Variants in EIF4E3 observed in about 807,000 individuals in gnomAD.
The protein encoded by EIF4E3 is eukaryotic translation initiation factor 4E type 3.
A neutral mutation model predicts 31.7 loss-of-function variants in EIF4E3; 26 were observed. The observed-to-expected ratio is 0.82, with a 90% CI of 0.60 to 1.14. The LOEUF is 1.14. EIF4E3 is among the 50% of genes most tolerant of loss of function. EIF4E3 has a pLI of 0.00. For missense variants in EIF4E3, 304 were observed against 270.9 expected (o/e 1.12, Z -0.86); for synonymous variants, 128 against 107.7 (o/e 1.19, Z -1.17).
chr3:71,703,427 C>T (rs534084764), intron 2 of EIF4E3, among the ~76,000 whole-genome samples: 7 of 152,320 alleles, frequency 4.6e-5, no homozygotes, highest in African/African-American at 1.4e-4. Flanking sequence ...GTGAAACCCA[C>T]GTTGCCTCCT....
At chr3:71,673,611 C>T (rs118175706), downstream of EIF4E3, among the ~76,000 whole-genome samples, 58 of 151,740 alleles carry the variant, frequency 3.8e-4, 2 homozygotes, top group East Asian at 0.011. Flanking sequence ...ACATGCATTG[C>T]ATTCATACTT....
downstream of EIF4E3, among the ~76,000 whole-genome samples, chr3:71,670,794 G>C (rs1039553611): frequency 6.6e-6 from 1 of 152,112 alleles, no homozygotes; most frequent in Admixed American, 6.5e-5. Context: ...AAGAGCCTTC[G>C]CGTGCATTGT....
rs963038197 is a variant in EIF4E3, at chr3:71,676,831, AGGGGACAC to A, written c.*7843_*7850del. ...AACACTAATTATTTTCGCCTTAAAA[AGGGGACAC>A]GGCTTTAGTGTTTAACCTTCACTTC... is the stretch of plus-strand genomic sequence containing the variant. On this transcript the variant is annotated 3_prime_UTR_variant, in exon 7 of 7. Coordinates refer to ENST00000425534, the MANE Select transcript of EIF4E3 (RefSeq NM_001134651.2). 1 of 152,202 alleles carries A rather than the reference AGGGGACAC, an allele frequency of 6.6e-6. No homozygotes were observed. Among genetic ancestry groups the A allele is most frequent in the Non-Finnish European group, 1.5e-5 (1 of 68,032 alleles). 9.4% of individuals were successfully genotyped at this position (152,202 alleles called of 1,614,324 possible).
rs1309539007 is a variant in EIF4E3, at chr3:71,684,065, A to C, written c.*617T>G. On this transcript the variant is annotated 3_prime_UTR_variant, in exon 7 of 7. Transcript: ENST00000425534. Reference sequence around the variant, plus strand: ...TATTTTCCTTTTATCACTAAAAAAAAATGTTTTAAAAAGGAAAATTAAAGA... The same window carrying C: ...TATTTTCCTTTTATCACTAAAAAAACATGTTTTAAAAAGGAAAATTAAAGA... 6.6e-6 allele frequency: 1 copy of C among 152,534 alleles called. No individual in the cohort carries two copies. Among genetic ancestry groups the C allele is most frequent in the Non-Finnish European group, 1.5e-5 (1 of 68,038 alleles). The allele number at this position is 152,534 out of a possible 1,614,324, so 9.4% of individuals were successfully genotyped here.
chr3:71,725,538 G>A (rs1345138800), upstream of EIF4E3, among the ~76,000 whole-genome samples: 3 of 150,076 alleles, frequency 2.0e-5, no homozygotes, highest in Non-Finnish European at 3.0e-5. The surrounding 1 kb of genome is among the most constrained non-coding windows in gnomAD (Gnocchi z 6.1). Flanking sequence ...GGAGCCGCGC[G>A]GAGGGGCCGT....
upstream of EIF4E3, chr3:71,754,054 C>A: frequency 7.9e-7 from 1 of 1,263,724 alleles, no homozygotes; most frequent in Admixed American, 3.6e-5. This position sits in a 1 kb window ranked among gnomAD's most constrained non-coding sequence, Gnocchi z 5.8. Context: ...GCCGCGATGG[C>A]GAACGCGAGC....
chr3:71,698,702 G>A (rs1010528245), intron 3 of EIF4E3, among the ~76,000 whole-genome samples: 2 of 152,212 alleles, frequency 1.3e-5, no homozygotes, highest in African/African-American at 4.8e-5. Context: ...ATCTGGGCTC[G>A]TGAGTACTGA....
intron 2 of EIF4E3, among the ~76,000 whole-genome samples, chr3:71,704,084 G>A (rs1417208989): frequency 6.6e-6 from 1 of 152,202 alleles, no homozygotes; most frequent in African/African-American, 2.4e-5. Flanking sequence ...CAAGAGCTAG[G>A]TACTTGAGAG....
rs56982495 is a variant in EIF4E3, at chr3:71,738,978, G to GTATATATATATATATATA, written c.-290-10373_-290-10356dup. ...TTTCCAAATGCCTGAAAATTGAACA[G>GTATATATATATATATATA]TATATATATATATATATATATATAT... On this transcript the variant is annotated intron_variant, in intron 1 of 7. Transcript: ENST00000295612. 4.5e-3 allele frequency among the ~76,000 whole-genome samples: 434 copies of GTATATATATATATATATA among 95,696 alleles called. 10 individuals are homozygous for GTATATATATATATATATA. Among genetic ancestry groups the GTATATATATATATATATA allele is most frequent in the Non-Finnish European group, 5.6e-3 (280 of 50,362 alleles). The allele number at this position is 95,696 out of a possible 152,430, so 62.8% of individuals were successfully genotyped here.
intron 1 of EIF4E3, among the ~76,000 whole-genome samples, chr3:71,714,868 G>C (rs920230029): frequency 2.0e-5 from 3 of 152,214 alleles, no homozygotes; most frequent in Non-Finnish European, 4.4e-5. Flanking sequence ...CCTGTCACCT[G>C]AGTAGACATT....
At chr3:71,742,858 A>C (rs2049833670) in intron 1 of EIF4E3, among the ~76,000 whole-genome samples, 1 of 152,200 alleles carries the variant, frequency 6.6e-6, no homozygotes, top group Non-Finnish European at 1.5e-5. Context: ...TTCACTATTT[A>C]ACAAACTAAA....
intron 6 of EIF4E3, among the ~76,000 whole-genome samples, chr3:71,685,036 C>G (rs2048973197): frequency 6.6e-6 from 1 of 152,132 alleles, no homozygotes; most frequent in Admixed American, 6.5e-5. Flanking sequence ...GGGCTGCAAG[C>G]AAATGCCGCA....
the EIF4E3 span, among the ~76,000 whole-genome samples, chr3:71,668,437 C>T: frequency 6.6e-6 from 1 of 151,972 alleles, no homozygotes; most frequent in South Asian, 2.1e-4. Flanking sequence ...AGCAAAAGAA[C>T]CTATCATCAG....
At chr3:71,691,491 A>G (rs1001796477) in intron 5 of EIF4E3, among the ~76,000 whole-genome samples, 1 of 152,182 alleles carries the variant, frequency 6.6e-6, no homozygotes, top group Non-Finnish European at 1.5e-5. Context: ...GAGTCCACTT[A>G]CGTAAATACT....
chr3:71,751,550 C>T (rs908128156), intron 1 of EIF4E3, among the ~76,000 whole-genome samples: 6 of 152,178 alleles, frequency 3.9e-5, no homozygotes, highest in East Asian at 1.9e-4. Context: ...GCAGCCCAAG[C>T]GCTAAGGGCC....
chr3:71,723,024 C>T (rs1335107885), intron 1 of EIF4E3, among the ~76,000 whole-genome samples: 3 of 152,124 alleles, frequency 2.0e-5, no homozygotes, highest in African/African-American at 2.4e-5. Flanking sequence ...TAGGACAGGC[C>T]GGGAGGTAGG....
Position 71,690,010 on chromosome 3 carries a change from G to A in EIF4E3, c.628C>T (p.Pro210Ser). 3 of 1,605,964 alleles carry A rather than the reference G, an allele frequency of 1.9e-6. No homozygotes were observed. The highest frequency in any genetic ancestry group is 1.1e-5 in the South Asian group (1 of 89,836). ...TAATAACTGGAAATGAAGCACTTACGTTTATAAAATACTGCTTTAAAAGTT... is the reference window on the plus strand; with the variant it reads ...TAATAACTGGAAATGAAGCACTTACATTTATAAAATACTGCTTTAAAAGTT... ...HITFKAVFYKPHEEHHAFEGG... is the reference protein window; with the variant it reads ...HITFKAVFYKSHEEHHAFEGG... Residue 210 changes from proline to serine, a missense_variant and splice_region_variant, in exon 6 of 7, where the codon CCC becomes TCC. Pro to Ser is a moderately conservative substitution (Grantham distance 74). Transcript: ENST00000425534.
At chr3:71,694,783 G>A (rs888459188) in intron 4 of EIF4E3, among the ~76,000 whole-genome samples, 1 of 152,158 alleles carries the variant, frequency 6.6e-6, no homozygotes, top group African/African-American at 2.4e-5. Flanking sequence ...TTCTTTAGGT[G>A]AACAAGGAAA....
chr3:71,722,703 T>G (rs1284455020), intron 1 of EIF4E3, among the ~76,000 whole-genome samples: 1 of 152,106 alleles, frequency 6.6e-6, no homozygotes, highest in African/African-American at 2.4e-5. Context: ...ACTCATCCAG[T>G]GAGGGGAATG....
Sources: gnomAD v4.1 joint callset for allele counts (sites outside exome capture counted in the v4.1 genomes callset) on GRCh38, gnomAD v4.1.1 for gene constraint, Gnocchi (gnomAD v3.1) non-coding constraint, MANE v1.5 for transcripts, NCBI Gene and HGNC (gene_info 2026-07-23, HGNC 2026-07-21) for gene names.